Variants in EVC observed in about 807,000 individuals in gnomAD.
EVC encodes the protein evC complex member EVC.
A neutral mutation model predicts 118.9 loss-of-function variants in EVC; 116 were observed. That is an observed-to-expected ratio of 0.98 (90% confidence interval 0.84 to 1.14). EVC has a LOEUF of 1.14. EVC is among the 50% of genes most tolerant of loss of function. EVC has a pLI of 0.00. For synonymous variants in EVC, 619 were observed against 534.7 expected, an observed-to-expected ratio of 1.16 and a Z score of -2.18; for missense variants, 1,401 against 1,246.4, an observed-to-expected ratio of 1.12 and a Z score of -1.87.
chr4:5,770,661 C>T (rs555498886), intron 11 of EVC, among the ~76,000 whole-genome samples: 23 of 152,242 alleles, frequency 1.5e-4, no homozygotes, highest in African/African-American at 5.3e-4. Flanking sequence ...GGGCATAACC[C>T]ACTCTAGACA....
the EVC span, among the ~76,000 whole-genome samples, chr4:5,829,041 A>AGGATG: frequency 3.6e-4 from 53 of 149,084 alleles, no homozygotes; most frequent in Non-Finnish European, 7.3e-4. Context: ...TTTTTTCTCT[A>AGGATG]GGTTTCTAAA....
At chr4:5,753,582 A>T (rs1268562556) in intron 9 of EVC, among the ~76,000 whole-genome samples, 3 of 152,124 alleles carry the variant, frequency 2.0e-5, no homozygotes, top group African/African-American at 7.2e-5. Flanking sequence ...AAGGCTCAAG[A>T]CGTGGAGGCA....
intron 11 of EVC, among the ~76,000 whole-genome samples, chr4:5,759,037 G>T (rs1194098971): frequency 2.7e-5 from 4 of 149,874 alleles, no homozygotes. Context: ...TAAGGGCGTG[G>T]GAAGAAGCAT....
chr4:5,727,186 C>G (rs1225992577), intron 2 of EVC, among the ~76,000 whole-genome samples: 1 of 152,032 alleles, frequency 6.6e-6, no homozygotes, highest in South Asian at 2.1e-4. Flanking sequence ...ACAGTCCCAC[C>G]AACAGTGTAA....
chr4:5,768,398 G>A (rs77297528), intron 11 of EVC, among the ~76,000 whole-genome samples: 1 of 152,040 alleles, frequency 6.6e-6, no homozygotes, highest in African/African-American at 2.4e-5. Flanking sequence ...GCTGACTGAC[G>A]GGGCAGGGAG....
intron 11 of EVC, among the ~76,000 whole-genome samples, chr4:5,780,648 G>A (rs1453646355): frequency 6.6e-6 from 1 of 152,188 alleles, no homozygotes; most frequent in African/African-American, 2.4e-5. Context: ...AAACTCTGTG[G>A]TCTTGTCCAT....
chr4:5,720,685 C>T (rs931897657), intron 2 of EVC, among the ~76,000 whole-genome samples: 1 of 152,188 alleles, frequency 6.6e-6, no homozygotes, highest in Admixed American at 6.5e-5. Flanking sequence ...GGGGCATTGC[C>T]CTGCCCTTGG....
intron 5 of EVC, among the ~76,000 whole-genome samples, chr4:5,736,634 C>T (rs1385751785): frequency 6.6e-6 from 1 of 151,792 alleles, no homozygotes; most frequent in Non-Finnish European, 1.5e-5. Flanking sequence ...GTAATTCTTG[C>T]AATATTTCAA....
the EVC span, among the ~76,000 whole-genome samples, chr4:5,827,679 C>T: frequency 1.3e-5 from 2 of 151,884 alleles, no homozygotes; most frequent in South Asian, 2.1e-4. Flanking sequence ...TACACACGTG[C>T]ATGCATGTAC....
intron 11 of EVC, among the ~76,000 whole-genome samples, chr4:5,776,089 C>T (rs1031110662): frequency 5.9e-5 from 9 of 151,870 alleles, no homozygotes; most frequent in South Asian, 2.1e-4. Flanking sequence ...GTTTCTCATG[C>T]ATAGAAATTA....
intron 12 of EVC, 168 bp from the exon 13 acceptor site, chr4:5,793,440 T>G (rs1713165036): frequency 1.4e-6 from 1 of 692,444 alleles, no homozygotes. Flanking sequence ...TAGGAAAGAT[T>G]TTAAGGTTTT....
In EVC at chr4:5,731,743, A is replaced by C. The variant is rs1726861270; in HGVS notation, c.617+86A>C. 1.5e-6 allele frequency: 2 copies of C among 1,299,746 alleles called. No individual in the cohort carries two copies. Among genetic ancestry groups the C allele is most frequent in the Non-Finnish European group, 2.2e-6 (2 of 918,022 alleles). The allele number at this position is 1,299,746 out of a possible 1,614,324, so 80.5% of individuals were successfully genotyped here. A position where few individuals can be genotyped will look rare whatever the true frequency, so the allele number is the denominator to read the frequency against. On this transcript the variant is annotated intron_variant, in intron 4 of 20. Transcript: ENST00000264956. The surrounding 1 kb of genome is among the most constrained non-coding windows in gnomAD (Gnocchi z 5.6). ...ACATCATTGTCAGAGGAGGAAACAG[A>C]GGCCCAGAGAGGTTCAGTGACTCTG... is the stretch of plus-strand genomic sequence containing the variant.
chr4:5,718,279 A>G (rs1452869573), intron 1 of EVC, among the ~76,000 whole-genome samples: 3 of 152,158 alleles, frequency 2.0e-5, no homozygotes, highest in African/African-American at 7.2e-5. Flanking sequence ...TACATAGCAT[A>G]GTTTTATGTA....
intron 17 of EVC, among the ~76,000 whole-genome samples, chr4:5,807,064 G>T (rs1212475420): frequency 6.6e-6 from 1 of 152,172 alleles, no homozygotes; most frequent in Non-Finnish European, 1.5e-5. Context: ...AGAGGCTGGA[G>T]TCTGGAGTGC....
At position 5,810,410 on chromosome 4, in the gene EVC, G is replaced by T. The variant is rs758406345; in HGVS notation, c.2854G>T (p.Glu952Ter). The T allele has an allele frequency of 1.9e-6, 3 of 1,613,674 alleles. No individual in the cohort carries two copies. The highest frequency in any genetic ancestry group is 3.3e-4 in the Middle Eastern group (2 of 6,062). ...ERGDLGVPNN[E>*]DLASGDQTSG... The stretch of plus-strand genomic sequence containing the variant: ...AGGGGACCTGGGGGTGCCCAACAAT[G>T]AGGACCTTGCCTCCGGGGACCAGAC... The change falls in exon 20 of 21, where the codon GAG (glutamate) becomes TAG (stop). Residue 952 changes from glutamate (E) to a stop codon, truncating the protein, a stop_gained. Coordinates refer to ENST00000264956, the MANE Select transcript of EVC (RefSeq NM_153717.3). LOFTEE classifies it low-confidence loss of function (END_TRUNC).
chr4:5,750,411 T>G (rs546028586), intron 8 of EVC, among the ~76,000 whole-genome samples: 2 of 152,246 alleles, frequency 1.3e-5, no homozygotes, highest in African/African-American at 2.4e-5. Flanking sequence ...ATCCTCCAGT[T>G]TAACAGCATG....
chr4:5,795,788 C>T (rs1457186053), intron 13 of EVC, among the ~76,000 whole-genome samples: 2 of 152,196 alleles, frequency 1.3e-5, no homozygotes, highest in African/African-American at 4.8e-5. Context: ...CTTTTAATTG[C>T]ATTAATGTTT....
intron 11 of EVC, among the ~76,000 whole-genome samples, chr4:5,774,457 A>G (rs527535791): frequency 6.6e-6 from 1 of 151,952 alleles, no homozygotes; most frequent in East Asian, 1.9e-4. Flanking sequence ...ATCCTTTCTA[A>G]TCCTCATAAT....
At chr4:5,735,950 G>A (rs970390184) in intron 5 of EVC, among the ~76,000 whole-genome samples, 158 of 152,258 alleles carry the variant, frequency 1.0e-3, no homozygotes, top group Non-Finnish European at 8.5e-4. Flanking sequence ...GTGCTGCCTG[G>A]AGACTTAAAT....
Sources: allele counts gnomAD v4.1 joint callset (sites outside exome capture counted in the v4.1 genomes callset), GRCh38; gene constraint gnomAD v4.1.1; non-coding constraint Gnocchi (gnomAD v3.1); transcripts MANE v1.5; gene names NCBI Gene and HGNC (gene_info 2026-07-23, HGNC 2026-07-21).